Variants in STPG2 observed in about 807,000 individuals in gnomAD.
STPG2 encodes the protein sperm-tail PG-rich repeat-containing protein 2.
STPG2 carries 56 observed loss-of-function variants against 54.2 expected under a neutral mutation model. The ratio of observed to expected loss-of-function variants is 1.03; its 90% CI spans 0.83 to 1.29. STPG2 has a LOEUF of 1.29. Ranked by LOEUF, STPG2 falls within the 50% of genes most tolerant of loss-of-function variation. The pLI is 0.00. For missense variants in STPG2, 596 were observed against 544.9 expected, an observed-to-expected ratio of 1.09 and a Z score of -0.93; for synonymous variants, 200 against 181.8, an observed-to-expected ratio of 1.10 and a Z score of -0.81.
chr4:97,744,734 A>T (rs1367612413), intron 9 of STPG2, among the ~76,000 whole-genome samples: 2 of 151,368 alleles, frequency 1.3e-5, no homozygotes. Flanking sequence ...CAATGATAAC[A>T]CTATGCTGTA....
chr4:97,689,565 A>C (rs375062292), intron 10 of STPG2, among the ~76,000 whole-genome samples: 124 of 152,260 alleles, frequency 8.1e-4, no homozygotes, highest in South Asian at 4.6e-3. Flanking sequence ...TAAATGGTGC[A>C]TTTGCTAGAA....
chr4:97,478,873 A>ATGTGTGTGTGTG (rs35662485), intron 4 of STPG2, among the ~76,000 whole-genome samples: 4 of 133,956 alleles, frequency 3.0e-5, no homozygotes, highest in African/African-American at 1.1e-4. Context: ...CAAGCCAAAT[A>ATGTGTGTGTGTG]TGTGTGTGTG....
At chr4:97,777,782 G>C (rs2149067855) in intron 9 of STPG2, among the ~76,000 whole-genome samples, 1 of 152,208 alleles carries the variant, frequency 6.6e-6, no homozygotes, top group South Asian at 2.1e-4. Context: ...CTTTAACTAG[G>C]ATAAAAATCA....
At chr4:97,913,120 A>AAT (rs1158636048) in intron 8 of STPG2, among the ~76,000 whole-genome samples, 3 of 152,218 alleles carry the variant, frequency 2.0e-5, no homozygotes, top group African/African-American at 7.2e-5. Context: ...TGTATAATAT[A>AAT]AGCTTCAAGG....
In STPG2 at chr4:97,904,907, AAAAG is replaced by A. The variant is rs1731343090; in HGVS notation, c.1044+38986_1044+38989del. Reference sequence around the variant, plus strand: ...TGAAGTGAGAAGGGAACTTTAGAGAAAAAGAATAAAAAGAAACGAGCAAAGCCTC... The same window carrying A: ...TGAAGTGAGAAGGGAACTTTAGAGAAAATAAAAAGAAACGAGCAAAGCCTC... On this transcript the variant is annotated intron_variant, in intron 8 of 10. Coordinates refer to ENST00000295268, the MANE Select transcript of STPG2 (RefSeq NM_174952.3). Among the ~76,000 whole-genome samples, 3 of 152,312 alleles carry A rather than the reference AAAAG, an allele frequency of 2.0e-5. No homozygotes were observed. The South Asian group carries it at 6.2e-4, about 32-fold the overall frequency.
intron 4 of STPG2, among the ~76,000 whole-genome samples, chr4:97,538,645 C>T (rs1233241617): frequency 2.6e-5 from 4 of 152,154 alleles, no homozygotes; most frequent in Non-Finnish European, 5.9e-5. Context: ...AGAACTTCCC[C>T]AACCTAGCAA....
intron 10 of STPG2, among the ~76,000 whole-genome samples, chr4:97,627,706 T>C (rs957538264): frequency 7.4e-4 from 112 of 152,262 alleles, no homozygotes; most frequent in Non-Finnish European, 4.6e-4. Context: ...ATAGAGAATT[T>C]TGGCATTAAT....
At chr4:97,895,386 T>C (rs1730919400) in intron 8 of STPG2, among the ~76,000 whole-genome samples, 3 of 151,902 alleles carry the variant, frequency 2.0e-5, no homozygotes, top group Admixed American at 2.0e-4. Flanking sequence ...AAGTATCTCC[T>C]ATGCAACTGA....
In STPG2 at chr4:97,602,064, T is replaced by C. The variant is rs763884074; in HGVS notation, c.1321-42947A>G. The stretch of plus-strand genomic sequence containing the variant: ...TCTAATTACTACCAGGATATAGACA[T>C]GCAATTGCTTTTAATATAATGATCT... On this transcript the variant is annotated intron_variant, in intron 10 of 10. Transcript: ENST00000295268. 1.3e-5 allele frequency among the ~76,000 whole-genome samples: 2 copies of C among 151,866 alleles called. 1 individual carries two copies. The highest frequency in any genetic ancestry group is 4.1e-4 in the South Asian group (2 of 4,834).
At chr4:97,749,892 A>T (rs1311506959) in intron 9 of STPG2, among the ~76,000 whole-genome samples, 2 of 151,778 alleles carry the variant, frequency 1.3e-5, no homozygotes, top group Non-Finnish European at 3.0e-5. Flanking sequence ...AGTAGGATTT[A>T]TTTCTGAGAA....
intron 2 of STPG2, among the ~76,000 whole-genome samples, chr4:98,131,168 T>A (rs929785332): frequency 1.3e-5 from 2 of 152,152 alleles, no homozygotes; most frequent in African/African-American, 4.8e-5. Flanking sequence ...TCTTTTTAAC[T>A]ACTCGGTGAA....
chr4:97,526,105 A>T (rs894526327), intron 4 of STPG2, among the ~76,000 whole-genome samples: 1 of 152,224 alleles, frequency 6.6e-6, no homozygotes, highest in African/African-American at 2.4e-5. Context: ...CAGTAAGATT[A>T]GTTTCCCTCT....
intron 8 of STPG2, among the ~76,000 whole-genome samples, chr4:97,846,939 T>C (rs1446650210): frequency 6.6e-6 from 1 of 152,210 alleles, no homozygotes; most frequent in Non-Finnish European, 1.5e-5. Context: ...AAGTATATTC[T>C]AGTCTAAAAT....
At chr4:98,002,125 T>A (rs1472226216) in intron 5 of STPG2, among the ~76,000 whole-genome samples, 1 of 152,074 alleles carries the variant, frequency 6.6e-6, no homozygotes, top group African/African-American at 2.4e-5. Context: ...AATTATAATG[T>A]CCATGTTTAT....
intron 5 of STPG2, among the ~76,000 whole-genome samples, chr4:98,079,996 A>G (rs1156285355): frequency 2.0e-5 from 3 of 152,150 alleles, no homozygotes; most frequent in African/African-American, 7.2e-5. Flanking sequence ...CTTAAGAATC[A>G]TAACTTATGC....
intron 9 of STPG2, among the ~76,000 whole-genome samples, chr4:97,761,610 A>T (rs1560517688): frequency 6.6e-6 from 1 of 152,176 alleles, no homozygotes; most frequent in Non-Finnish European, 1.5e-5. Flanking sequence ...AATACACCAT[A>T]TAACACATAT....
chr4:97,609,160 T>A (rs1733672091), intron 10 of STPG2, among the ~76,000 whole-genome samples: 1 of 152,054 alleles, frequency 6.6e-6, no homozygotes, highest in Admixed American at 6.6e-5. Flanking sequence ...GAGTTTTTAA[T>A]CTAGAGGCAA....
Position 97,635,933 on chromosome 4 carries a change from G to A in STPG2, c.1320+76766C>T, listed in dbSNP as rs565466997. 1.1e-4 allele frequency among the ~76,000 whole-genome samples: 16 copies of A among 152,114 alleles called. No homozygotes were observed. In the East Asian group the frequency reaches 1.2e-3, roughly 11 times the overall value. ...CACTGTCAACATTAGACAGATCAAC[G>A]AGACAGAAAGTCAACAAGGACACCC... On this transcript the variant is annotated intron_variant, in intron 10 of 10. Transcript: ENST00000295268.
chr4:97,793,183 A>T (rs1216983826), intron 9 of STPG2, among the ~76,000 whole-genome samples: 1 of 151,870 alleles, frequency 6.6e-6, no homozygotes, highest in Non-Finnish European at 1.5e-5. Context: ...TTCCTTGCCT[A>T]CCTTACCTAA....
Sources: allele counts gnomAD v4.1 joint callset (sites outside exome capture counted in the v4.1 genomes callset), GRCh38; gene constraint gnomAD v4.1.1; transcripts MANE v1.5; gene names NCBI Gene and HGNC (gene_info 2026-07-23, HGNC 2026-07-21).